Variants in ZNF484 observed in about 807,000 individuals in gnomAD.
ZNF484 encodes the protein zinc finger protein 484.
A neutral mutation model predicts 12.9 loss-of-function variants in ZNF484; 11 were observed. That is an observed-to-expected ratio of 0.85 (90% CI 0.54 to 1.41). The LOEUF (loss-of-function observed/expected upper bound fraction) is 1.41, where lower values mean the gene tolerates loss of function less well. Among genes scored for constraint, ZNF484 ranks in the 40% most tolerant of loss-of-function variants. The probability of loss-of-function intolerance (pLI) is 0.00; values close to 1 mark genes in which losing one functional copy is unlikely to be tolerated. For synonymous variants in ZNF484, 289 were observed against 334.1 expected, an observed-to-expected ratio of 0.86 and a Z score of 1.47; for missense variants, 807 against 1,007.7, an observed-to-expected ratio of 0.80 and a Z score of 2.70.
At chr9:92,860,568 C>T (rs1856721588) in intron 2 of ZNF484, among the ~76,000 whole-genome samples, 1 of 142,552 alleles carries the variant, frequency 7.0e-6, no homozygotes, top group South Asian at 2.2e-4. Context: ...CACACCAGTG[C>T]ACTCCAGCCT....
chr9:92,846,483 TC>T lies in ZNF484; in HGVS notation c.2303del (p.Arg768GlnfsTer46). 1 of 1,613,052 alleles carries T rather than the reference TC, an allele frequency of 6.2e-7. No homozygotes were observed. On this transcript the variant is annotated frameshift_variant, in exon 5 of 5. Transcript: ENST00000375495. LOFTEE classifies it low-confidence loss of function (END_TRUNC). ...TATATGGTTTCTCTCCTGTGTGAAT[TC>T]GATGATGCTCATGGAGTTGTGATTT... ...IKKSQLHEHH[R>X]IHTGEKPYIC...
rs1438079482 is a variant in ZNF484, at chr9:92,846,262, G to T, written c.2525C>A (p.Ser842Ter). 2 of 1,613,766 alleles carry T rather than the reference G, an allele frequency of 1.2e-6. No homozygotes were observed. The highest frequency in any genetic ancestry group is 2.2e-5 in the South Asian group (2 of 90,982). ...AGAAAGTTGGCCTTGGTCACCTTCT[G>T]AGTCCCCACACCATAATTGTGGCAT... ...CSMPQLWCGD[S>*]EGDQGQLSSI The change falls in exon 5 of 5, where the codon TCA (serine) becomes TAA (stop). Residue 842 changes from serine to a stop codon, truncating the protein, a stop_gained. Coordinates refer to ENST00000375495, the MANE Select transcript of ZNF484 (RefSeq NM_031486.4). LOFTEE classifies it low-confidence loss of function (END_TRUNC).
chr9:92,856,385 A>C (rs548211227), intron 2 of ZNF484, 67 bp from the exon 3 acceptor site: 14 of 1,349,276 alleles, frequency 1.0e-5, no homozygotes, highest in Non-Finnish European at 1.3e-5. Flanking sequence ...CAAAAAAAAA[A>C]ACCTTTCAAT....
intron 1 of ZNF484, 110 bp from the exon 2 acceptor site, chr9:92,875,169 C>T: frequency 1.3e-6 from 1 of 787,298 alleles, no homozygotes; most frequent in Non-Finnish European, 2.0e-6. Flanking sequence ...AAATTTATTT[C>T]TGGAACTACC....
At chr9:92,869,929 A>G (rs1031289896) in intron 2 of ZNF484, among the ~76,000 whole-genome samples, 4 of 152,366 alleles carry the variant, frequency 2.6e-5, no homozygotes, top group Middle Eastern at 3.4e-3. Context: ...TTATTTTTAA[A>G]AGTTCAAATG....
At chr9:92,875,113 C>A in intron 1 of ZNF484, 54 bp from the exon 2 acceptor site, 1 of 1,481,668 alleles carries the variant, frequency 6.7e-7, no homozygotes, top group South Asian at 1.2e-5. Context: ...GTGCCAATGT[C>A]ACACATGGAC....
intron 4 of ZNF484, among the ~76,000 whole-genome samples, chr9:92,851,276 C>T (rs941377625): frequency 6.6e-6 from 1 of 152,178 alleles, no homozygotes; most frequent in Non-Finnish European, 1.5e-5. Flanking sequence ...AAACTGAAGC[C>T]CTTGGGCCAA....
chr9:92,849,872 G>A (rs1855960559), intron 4 of ZNF484, among the ~76,000 whole-genome samples: 1 of 151,912 alleles, frequency 6.6e-6, no homozygotes, highest in African/African-American at 2.4e-5. Context: ...CATGATCAGA[G>A]CTCACTGCAA....
chr9:92,850,744 T>A (rs568794022), intron 4 of ZNF484, among the ~76,000 whole-genome samples: 1 of 152,022 alleles, frequency 6.6e-6, no homozygotes, highest in South Asian at 2.1e-4. Context: ...CCGCCATACA[T>A]GTATTTGTAA....
chr9:92,876,316 G>A (rs1857808607), intron 1 of ZNF484, among the ~76,000 whole-genome samples: 1 of 151,976 alleles, frequency 6.6e-6, no homozygotes, highest in African/African-American at 2.4e-5. Context: ...TAAAGAAAAG[G>A]CAGAAAATAA....
chr9:92,873,393 C>T (rs1857578696), intron 2 of ZNF484, among the ~76,000 whole-genome samples: 2 of 151,746 alleles, frequency 1.3e-5, no homozygotes, highest in Non-Finnish European at 2.9e-5. Context: ...CAGCTCTGCA[C>T]ACATAAATTT....
intron 3 of ZNF484, 43 bp from the exon 4 acceptor site, chr9:92,855,946 A>G (rs1266077842): frequency 6.3e-7 from 1 of 1,597,206 alleles, no homozygotes; most frequent in Non-Finnish European, 8.6e-7. Context: ...CAGAGGCCAT[A>G]CAATGAAGCA....
rs1183428822 is a variant in ZNF484 at position 92,846,013 on chromosome 9, C to G, written c.*215G>C. On this transcript the variant is annotated 3_prime_UTR_variant, in exon 5 of 5. Transcript: ENST00000375495. ...GGTACCCAGAACATGAAAAACTCAACAGCCATGAATTTATAAAACTGTTTG... is the reference window on the plus strand; with the variant it reads ...GGTACCCAGAACATGAAAAACTCAAGAGCCATGAATTTATAAAACTGTTTG... 1 of 552,896 alleles carries G rather than the reference C, an allele frequency of 1.8e-6. No individual in the cohort carries two copies. The highest frequency in any genetic ancestry group is 3.2e-6 in the Non-Finnish European group (1 of 317,258). 34.2% of individuals were successfully genotyped at this position (552,896 alleles called of 1,614,324 possible).
intron 2 of ZNF484, among the ~76,000 whole-genome samples, chr9:92,860,329 G>A (rs1002454083): frequency 9.2e-5 from 14 of 152,232 alleles, no homozygotes; most frequent in South Asian, 6.2e-4. Flanking sequence ...GAGGCCAGGC[G>A]CGGTGGCTCA....
intron 2 of ZNF484, among the ~76,000 whole-genome samples, chr9:92,857,476 C>G (rs1208245641): frequency 2.0e-5 from 3 of 152,130 alleles, no homozygotes; most frequent in African/African-American, 7.2e-5. Context: ...GTATATAGGG[C>G]AGTAGACTAA....
At chr9:92,855,575 G>A (rs1856384259) in intron 4 of ZNF484, among the ~76,000 whole-genome samples, 1 of 152,138 alleles carries the variant, frequency 6.6e-6, no homozygotes, top group Admixed American at 6.6e-5. Context: ...ACCAGTAATT[G>A]TAGCATATTC....
intron 2 of ZNF484, among the ~76,000 whole-genome samples, chr9:92,870,122 T>G (rs939332703): frequency 6.6e-6 from 1 of 152,008 alleles, no homozygotes; most frequent in Admixed American, 6.6e-5. Flanking sequence ...CAAACCAACA[T>G]ACAGACTCTG....
At position 92,845,632 on chromosome 9, in the gene ZNF484, C is replaced by T. The variant is rs1348076453; in HGVS notation, c.*596G>A. ...AGGATCTAAAGTGCTGCTATCTAGA[C>T]CTGGGTCCCTGTATCTAAGTTCCAT... is the stretch of plus-strand genomic sequence containing the variant. On this transcript the variant is annotated 3_prime_UTR_variant, in exon 5 of 5. Transcript: ENST00000375495. The surrounding 1 kb of genome is among the most constrained non-coding windows in gnomAD (Gnocchi z 4.0). The T allele has an allele frequency of 1.3e-5, 2 of 152,214 alleles. No individual in the cohort carries two copies. The highest frequency in any genetic ancestry group is 2.9e-5 in the Non-Finnish European group (2 of 68,072). The allele number at this position is 152,214 out of a possible 1,614,324, so 9.4% of individuals were successfully genotyped here.
At chr9:92,877,740 C>G (rs1159642786) in intron 1 of ZNF484, 150 bp downstream of exon 1, 1 of 1,523,032 alleles carries the variant, frequency 6.6e-7, no homozygotes, top group African/African-American at 1.4e-5. Context: ...CTCAGTGCCC[C>G]CTCACTCCTC....
Sources: gnomAD v4.1 joint callset for allele counts (sites outside exome capture counted in the v4.1 genomes callset) on GRCh38, gnomAD v4.1.1 for gene constraint, Gnocchi (gnomAD v3.1) non-coding constraint, MANE v1.5 for transcripts, NCBI Gene and HGNC (gene_info 2026-07-23, HGNC 2026-07-21) for gene names.